LRP1B: variants seen among roughly 807,000 people sequenced by gnomAD.
LRP1B encodes the protein LDL receptor related protein 1B.
In LRP1B, 217 loss-of-function variants were observed where a neutral mutation model predicts 556.6. The ratio of observed to expected loss-of-function variants is 0.39; its 90% confidence interval spans 0.35 to 0.44. LRP1B has a LOEUF of 0.44. Among genes scored for constraint, LRP1B ranks in the 20% least tolerant of loss-of-function variants. The pLI, the probability that LRP1B is intolerant of heterozygous loss-of-function variation, is 1.00. For synonymous variants in LRP1B, 2,047 were observed against 1,865.8 expected (o/e 1.10, Z -2.50); for missense variants, 5,053 against 5,620.8 (o/e 0.90, Z 3.23).
chr2:141,544,386 TCCTCCTCCTCCTCCTCCTCCTCCTCC>T (rs1685468187), intron 2 of LRP1B, among the ~76,000 whole-genome samples: 3 of 80,364 alleles, frequency 3.7e-5, no homozygotes, highest in Admixed American at 3.1e-4. Context: ...CTTCTTCTCC[TCCTCCTCCTCCTCCTCCTCCTCCTCC>T]TTCTCCTCCT....
At position 141,800,977 on chromosome 2, in the gene LRP1B, A is replaced by G. The variant is rs367631387; in HGVS notation, c.205+9302T>C. On this transcript the variant is annotated intron_variant, in intron 2 of 90. Transcript: ENST00000389484. ...CCATTTAAGTGAAAATGAATAATGT[A>G]TCATTTATTTCAAAATTGAATTGCC... Among the ~76,000 whole-genome samples, 11 of 152,340 alleles carry G rather than the reference A, an allele frequency of 7.2e-5. No individual in the cohort carries two copies. In the East Asian group the frequency reaches 1.5e-3, roughly 21 times the overall value.
chr2:141,704,959 T>C (rs1044996242), intron 2 of LRP1B, among the ~76,000 whole-genome samples: 1 of 152,026 alleles, frequency 6.6e-6, no homozygotes, highest in African/African-American at 2.4e-5. Context: ...CTGTATCTTA[T>C]AGGTTACTGG....
At chr2:141,928,830 C>T (rs1476608296) in intron 1 of LRP1B, among the ~76,000 whole-genome samples, 1 of 152,112 alleles carries the variant, frequency 6.6e-6, no homozygotes, top group African/African-American at 2.4e-5. Flanking sequence ...CTTTTGACCT[C>T]AGCTATTCTT....
intron 66 of LRP1B, among the ~76,000 whole-genome samples, chr2:140,406,113 A>G (rs1472137604): frequency 6.6e-6 from 1 of 152,174 alleles, no homozygotes; most frequent in Non-Finnish European, 1.5e-5. Flanking sequence ...TAACTGATAC[A>G]GAAATAAGCA....
chr2:142,024,614 T>C (rs1703444343), intron 1 of LRP1B, among the ~76,000 whole-genome samples: 1 of 105,206 alleles, frequency 9.5e-6, no homozygotes, highest in Non-Finnish European at 1.9e-5. Context: ...AATAATCAGC[T>C]GAAATGTTTT....
rs540289334 is a variant in LRP1B, at chr2:142,093,188, T to C, written c.82+37460A>G. Among the ~76,000 whole-genome samples the C allele has an allele frequency of 6.6e-5, 10 of 152,260 alleles. No individual in the cohort carries two copies. In the South Asian group the frequency reaches 1.2e-3, roughly 19 times the overall value. On this transcript the variant is annotated intron_variant, in intron 1 of 90. Coordinates refer to ENST00000389484, the MANE Select transcript of LRP1B (RefSeq NM_018557.3). ...TTTTCTACAGTAATTAAAACTAACA[T>C]TGTGTAGAATTATATTATCCATTTT...
intron 16 of LRP1B, among the ~76,000 whole-genome samples, chr2:140,993,545 C>A (rs894791640): frequency 6.6e-5 from 10 of 152,022 alleles, no homozygotes; most frequent in African/African-American, 2.4e-4. Context: ...GTAACATGTT[C>A]CAAACCCATG....
intron 3 of LRP1B, among the ~76,000 whole-genome samples, chr2:141,457,277 A>C (rs185393591): frequency 2.2e-4 from 33 of 152,264 alleles, no homozygotes; most frequent in African/African-American, 7.9e-4. Context: ...ACATAATTAA[A>C]CAAGACAGAC....
At position 142,130,786 on chromosome 2, in the gene LRP1B, C is replaced by G. The variant is rs1353351800; in HGVS notation, c.-57G>C. 2.6e-6 allele frequency: 3 copies of G among 1,163,500 alleles called. No individual in the cohort carries two copies. Among genetic ancestry groups the G allele is most frequent in the Non-Finnish European group, 3.7e-6 (3 of 815,768 alleles). The allele number at this position is 1,163,500 out of a possible 1,614,324, so 72.1% of individuals were successfully genotyped here. ...AGACTGCTCGGCGGCACCTTCGGCC[C>G]GGCGGCGGCGGCGGCGGCAGGGGCC... On this transcript the variant is annotated 5_prime_UTR_variant, in exon 1 of 91. Coordinates refer to ENST00000389484, the MANE Select transcript of LRP1B (RefSeq NM_018557.3).
intron 41 of LRP1B, among the ~76,000 whole-genome samples, chr2:140,644,945 A>G (rs1056341189): frequency 1.3e-5 from 2 of 152,100 alleles, no homozygotes; most frequent in Non-Finnish European, 2.9e-5. Flanking sequence ...TTTGATTTAA[A>G]AAATCTAAAA....
intron 7 of LRP1B, among the ~76,000 whole-genome samples, chr2:141,128,834 A>G (rs1399996337): frequency 6.6e-6 from 1 of 152,198 alleles, no homozygotes; most frequent in African/African-American, 2.4e-5. Context: ...CATTTGAAGA[A>G]CAAAATGTAT....
intron 7 of LRP1B, among the ~76,000 whole-genome samples, chr2:141,105,745 T>C (rs1456494930): frequency 1.3e-5 from 2 of 152,162 alleles, no homozygotes; most frequent in African/African-American, 4.8e-5. Flanking sequence ...TTTCAAAAAA[T>C]GTATACCTGT....
Position 141,049,125 on chromosome 2 carries a change from GA to G in LRP1B, c.1649del (p.Ile550ThrfsTer3). On this transcript the variant is annotated frameshift_variant, in exon 11 of 91. Transcript: ENST00000389484. LOFTEE classifies it high-confidence loss of function. The part of the protein sequence containing the change: ...LNTKIADEYM[I>X]PIENLVNPRA... ...GAGGGTTTACCAGATTTTCTATGGG[GA>G]TCATGTATTCATCAGCTATCTTGGT... The G allele has an allele frequency of 1.2e-6, 2 of 1,613,448 alleles. No homozygotes were observed. The highest frequency in any genetic ancestry group is 1.7e-6 in the Non-Finnish European group (2 of 1,179,612).
intron 2 of LRP1B, among the ~76,000 whole-genome samples, chr2:141,546,171 A>T (rs1685544623): frequency 6.6e-6 from 1 of 152,138 alleles, no homozygotes; most frequent in Non-Finnish European, 1.5e-5. Context: ...TATTATGAAC[A>T]TGCTACTATC....
intron 3 of LRP1B, among the ~76,000 whole-genome samples, chr2:141,389,118 A>G (rs546966297): frequency 3.9e-5 from 6 of 152,328 alleles, no homozygotes; most frequent in Non-Finnish European, 8.8e-5. Context: ...TTACAGAAAT[A>G]GAAAAGCCAA....
At chr2:141,056,461 C>T (rs2105458404) in intron 9 of LRP1B, among the ~76,000 whole-genome samples, 1 of 151,954 alleles carries the variant, frequency 6.6e-6, no homozygotes, top group South Asian at 2.1e-4. Flanking sequence ...GCAAAGCTAC[C>T]AATGATCATT....
intron 1 of LRP1B, among the ~76,000 whole-genome samples, chr2:142,123,024 C>T (rs1265654550): frequency 6.6e-6 from 1 of 152,022 alleles, no homozygotes; most frequent in East Asian, 1.9e-4. Flanking sequence ...TCAATAAATT[C>T]TGACTATCAA....
chr2:141,149,856 G>C (rs949700736), intron 7 of LRP1B, among the ~76,000 whole-genome samples: 1 of 152,182 alleles, frequency 6.6e-6, no homozygotes, highest in African/African-American at 2.4e-5. Context: ...AGTAGTATCT[G>C]TGCTATGTAT....
chr2:141,206,554 T>G (rs1315005048), intron 6 of LRP1B, among the ~76,000 whole-genome samples: 1 of 151,658 alleles, frequency 6.6e-6, no homozygotes, highest in East Asian at 1.9e-4. Context: ...GCCACTGCAC[T>G]CCAGCCTGGG....
Sources: gnomAD v4.1 joint callset for allele counts (sites outside exome capture counted in the v4.1 genomes callset) on GRCh38, gnomAD v4.1.1 for gene constraint, MANE v1.5 for transcripts, NCBI Gene and HGNC (gene_info 2026-07-23, HGNC 2026-07-21) for gene names.